Variants in CDH26 observed in about 807,000 individuals in gnomAD.
The protein encoded by CDH26 is cadherin-like protein 26.
In CDH26, 83 loss-of-function variants were observed where a neutral mutation model predicts 90.3. The ratio of observed to expected loss-of-function variants is 0.92; its 90% CI spans 0.77 to 1.10. CDH26 has a LOEUF of 1.10. Ranked by LOEUF, CDH26 falls within the 50% of genes least tolerant of loss-of-function variation. The pLI, the probability that CDH26 is intolerant of heterozygous loss-of-function variation, is 0.00. For missense variants in CDH26, 1,013 were observed against 1,037.6 expected, an observed-to-expected ratio of 0.98 and a Z score of 0.33; for synonymous variants, 397 against 396.3, an observed-to-expected ratio of 1.00 and a Z score of -0.02.
intron 2 of CDH26, among the ~76,000 whole-genome samples, chr20:59,969,407 T>G (rs2061221729): frequency 6.6e-6 from 1 of 152,244 alleles, no homozygotes; most frequent in Non-Finnish European, 1.5e-5. Context: ...TTACTTGGTA[T>G]TGTTCTCTTG....
intron 9 of CDH26, among the ~76,000 whole-genome samples, chr20:59,989,520 G>C (rs1263096274): frequency 2.8e-5 from 4 of 143,116 alleles, no homozygotes; most frequent in African/African-American, 1.1e-4. Flanking sequence ...GGGCGACAGA[G>C]CGAGACTCCG....
Position 59,992,317 on chromosome 20 carries a change from T to G in CDH26, c.1284-61T>G. The G allele has an allele frequency of 3.9e-6, 6 of 1,533,414 alleles. No individual in the cohort carries two copies. Among genetic ancestry groups the G allele is most frequent in the Non-Finnish European group, 5.3e-6 (6 of 1,136,594 alleles). 95.0% of individuals were successfully genotyped at this position (1,533,414 alleles called of 1,614,324 possible). A position where few individuals can be genotyped will look rare whatever the true frequency, so the allele number is the denominator to read the frequency against. ...ACATATTTTGTTTTTTTATGCAACT[T>G]TTTTATCTTTTAATGTAAGTTTTTA... is the stretch of plus-strand genomic sequence containing the variant. On this transcript the variant is annotated intron_variant, in intron 9 of 17. Coordinates refer to ENST00000348616, the MANE Select transcript of CDH26 (RefSeq NM_177980.4). The surrounding 1 kb of genome is among the most constrained non-coding windows in gnomAD (Gnocchi z 5.0).
At chr20:59,977,544 A>AAT (rs954455733) in intron 4 of CDH26, among the ~76,000 whole-genome samples, 11 of 150,224 alleles carry the variant, frequency 7.3e-5, no homozygotes, top group Non-Finnish European at 1.5e-4. Context: ...ATATTTTATT[A>AAT]ATATATATAT....
At chr20:60,003,072 A>C (rs1483480997) in intron 16 of CDH26, among the ~76,000 whole-genome samples, 1 of 152,220 alleles carries the variant, frequency 6.6e-6, no homozygotes, top group Non-Finnish European at 1.5e-5. Flanking sequence ...TCGAGGGCAT[A>C]AGAGCTTTTC....
At chr20:59,960,857 T>C (rs996673518) in intron 1 of CDH26, among the ~76,000 whole-genome samples, 2 of 152,202 alleles carry the variant, frequency 1.3e-5, no homozygotes, top group African/African-American at 4.8e-5. Context: ...GTTTTTCTAA[T>C]CACAGTGAAA....
chr20:59,980,851 C>T (rs986335132), intron 4 of CDH26, among the ~76,000 whole-genome samples: 1 of 152,064 alleles, frequency 6.6e-6, no homozygotes, highest in Non-Finnish European at 1.5e-5. Flanking sequence ...AAGATTTTCT[C>T]CTTTTTTTAC....
chr20:59,984,969 A>C, intron 6 of CDH26, 32 bp from the exon 7 acceptor site: 1 of 1,604,106 alleles, frequency 6.2e-7, no homozygotes, highest in Non-Finnish European at 8.5e-7. Flanking sequence ...CCTGTATTTG[A>C]GGGGCTTAAC....
chr20:60,001,392 G>A lies in CDH26; in HGVS notation c.2147G>A (p.Arg716His), dbSNP rs201634923. ...PSAASQSAQA[R>H]CALGSWGYGK... ...GCAGCGAGTCAGTCAGCCCAAGCACGCTGTGCTCTGGGGAGCTGGGTGAGT... is the reference window on the plus strand; with the variant it reads ...GCAGCGAGTCAGTCAGCCCAAGCACACTGTGCTCTGGGGAGCTGGGTGAGT... Residue 716 changes from arginine (R) to histidine (H), a missense_variant, in exon 15 of 18, where the codon CGC becomes CAC. Arg to His is a conservative substitution (Grantham distance 29). Coordinates refer to ENST00000348616, the MANE Select transcript of CDH26 (RefSeq NM_177980.4). 67 of 1,613,936 alleles carry A rather than the reference G, an allele frequency of 4.2e-5. No homozygotes were observed. Among genetic ancestry groups the A allele is most frequent in the Non-Finnish European group, 4.9e-5 (58 of 1,179,968 alleles).
chr20:60,033,805 GATCATGAAGAAGAAATAA>G, exon 9 of CDH26: 111 of 1,141,212 alleles, frequency 9.7e-5, no homozygotes, highest in East Asian at 5.1e-4. Flanking sequence ...GTGTGTGTGT[GATCATGAAGAAGAAATAA>G]TGTGCAAAGC....
In CDH26 at chr20:59,989,157, A is replaced by T. The variant is rs768433334; in HGVS notation, c.1277A>T (p.Gln426Leu). ...TTTAATGCCATGGATCCAGACAGCCAGATAAGGTGAGAAGAGAGGGCCAAG... is the reference window on the plus strand; with the variant it reads ...TTTAATGCCATGGATCCAGACAGCCTGATAAGGTGAGAAGAGAGGGCCAAG... ...GTFNAMDPDS[Q>L]IRYELVHDPA... Residue 426 changes from glutamine to leucine, a missense_variant, in exon 9 of 18, where the codon CAG (glutamine) becomes CTG (leucine). Transcript: ENST00000348616. The T allele has an allele frequency of 1.2e-6, 2 of 1,614,042 alleles. No homozygotes were observed. The highest frequency in any genetic ancestry group is 1.7e-6 in the Non-Finnish European group (2 of 1,180,014).
chr20:59,972,329 T>G (rs1049344860), intron 4 of CDH26, among the ~76,000 whole-genome samples: 4 of 152,232 alleles, frequency 2.6e-5, no homozygotes, highest in Admixed American at 6.5e-5. Flanking sequence ...ATTTCTGCAA[T>G]CGATGTGAGC....
chr20:59,988,980 A>T lies in CDH26; in HGVS notation c.1100A>T (p.Glu367Val). ...AATGAGGAGAGGCTCGTCTTCTGTGAGAGAGGAAAGCTTCAGCCGCCAAGG... is the reference window on the plus strand; with the variant it reads ...AATGAGGAGAGGCTCGTCTTCTGTGTGAGAGGAAAGCTTCAGCCGCCAAGG... ...VENEERLVFC[E>V]RGKLQPPRKA... Residue 367 changes from glutamate (E) to valine (V), a missense_variant, in exon 9 of 18, where the codon GAG becomes GTG. Glu to Val is a moderately radical substitution (Grantham distance 121). Transcript: ENST00000348616. 1 of 1,614,128 alleles carries T rather than the reference A, an allele frequency of 6.2e-7. No homozygotes were observed. The highest frequency in any genetic ancestry group is 1.1e-5 in the South Asian group (1 of 91,092).
chr20:60,032,341 C>T (rs1165954828), intron 8 of CDH26, among the ~76,000 whole-genome samples: 1 of 152,190 alleles, frequency 6.6e-6, no homozygotes, highest in African/African-American at 2.4e-5. Context: ...AGAACTAGTC[C>T]TGTGACCATG....
Position 59,958,742 on chromosome 20 carries a change from G to A in CDH26, c.16G>A (p.Gly6Arg), listed in dbSNP as rs776428355. The change falls in exon 1 of 18, where the codon GGG becomes AGG. Residue 6 changes from glycine to arginine, a missense_variant. Gly to Arg is a moderately radical substitution (Grantham distance 125, BLOSUM62 -2). Coordinates refer to ENST00000348616, the MANE Select transcript of CDH26 (RefSeq NM_177980.4). ...GTATTCCCATATGGCCATGAGATCC[G>A]GGAGGCACCCCTCGCTGCTGCTGCT... The part of the protein sequence containing the change: MAMRS[G>R]RHPSLLLLLV... 61 of 1,614,030 alleles carry A rather than the reference G, an allele frequency of 3.8e-5. 1 individual carries two copies. In the South Asian group the frequency reaches 5.8e-4, roughly 15 times the overall value.
At chr20:59,963,406 A>G (rs1258500517) in intron 1 of CDH26, among the ~76,000 whole-genome samples, 3 of 152,022 alleles carry the variant, frequency 2.0e-5, no homozygotes, top group Non-Finnish European at 4.4e-5. Context: ...ATGGGCCACC[A>G]TGCCTGGCTA....
At chr20:59,997,459 G>T (rs538750735) in intron 13 of CDH26, among the ~76,000 whole-genome samples, 2 of 152,372 alleles carry the variant, frequency 1.3e-5, no homozygotes, top group South Asian at 4.1e-4. Flanking sequence ...CAGAGAGGAT[G>T]CCTATGAAGG....
chr20:59,964,855 C>T (rs2061126095), intron 1 of CDH26, among the ~76,000 whole-genome samples: 1 of 152,170 alleles, frequency 6.6e-6, no homozygotes, highest in Admixed American at 6.5e-5. Flanking sequence ...TGTCTCATAC[C>T]CTCAATTTAC....
At chr20:59,967,905 CTTCCT>C (rs749471979) in intron 1 of CDH26, among the ~76,000 whole-genome samples, 4,377 of 111,846 alleles carry the variant, frequency 0.039, 167 homozygotes, top group Non-Finnish European at 0.048. Flanking sequence ...TCCTTCCTTC[CTTCCT>C]TTCCTTTCCT....
chr20:60,006,691 A>G, intron 16 of CDH26, 22 bp from the exon 17 acceptor site: 1 of 1,597,600 alleles, frequency 6.3e-7, no homozygotes, highest in Non-Finnish European at 8.6e-7. Context: ...TGTGGTATGA[A>G]GCTCTACTGG....
Sources: gnomAD v4.1 joint callset for allele counts (sites outside exome capture counted in the v4.1 genomes callset) on GRCh38, gnomAD v4.1.1 for gene constraint, Gnocchi (gnomAD v3.1) non-coding constraint, MANE v1.5 for transcripts, NCBI Gene and HGNC (gene_info 2026-07-23, HGNC 2026-07-21) for gene names.